COL17A1: variants seen among roughly 807,000 people sequenced by gnomAD.
The protein encoded by COL17A1 is collagen type XVII alpha 1 chain.
In COL17A1, 181 loss-of-function variants were observed where a neutral mutation model predicts 218.4. That is an observed-to-expected ratio of 0.83 (90% confidence interval 0.73 to 0.94). The LOEUF (loss-of-function observed/expected upper bound fraction) is 0.94, where lower values mean the gene tolerates loss of function less well. Ranked by LOEUF, COL17A1 falls within the 40% of genes least tolerant of loss-of-function variation. The pLI, the probability that COL17A1 is intolerant of heterozygous loss-of-function variation, is 0.00. For missense variants in COL17A1, 1,924 were observed against 1,945.9 expected, an observed-to-expected ratio of 0.99 and a Z score of 0.21; for synonymous variants, 721 against 731.0, an observed-to-expected ratio of 0.99 and a Z score of 0.22.
intron 22 of COL17A1, 138 bp from the exon 23 acceptor site, chr10:104,053,273 C>T (rs1386384588): frequency 1.1e-6 from 1 of 943,428 alleles, no homozygotes; most frequent in East Asian, 2.6e-5. Flanking sequence ...GACCCCATAG[C>T]CTTGGCTCAA....
chr10:104,063,559 C>G (rs2086600973), intron 11 of COL17A1, 188 bp downstream of exon 11: 6 of 895,548 alleles, frequency 6.7e-6, no homozygotes, highest in Non-Finnish European at 1.1e-5. Context: ...CTCACGTCCC[C>G]TCGCCTGAGA....
chr10:104,045,256 A>G (rs2086397403), intron 33 of COL17A1, among the ~76,000 whole-genome samples: 1 of 152,166 alleles, frequency 6.6e-6, no homozygotes, highest in Admixed American at 6.5e-5. Flanking sequence ...TCTCAGTAGC[A>G]TCTTAACACT....
chr10:104,057,195 GA>G, intron 16 of COL17A1, 23 bp from the exon 17 acceptor site: 1 of 1,613,920 alleles, frequency 6.2e-7, no homozygotes, highest in Non-Finnish European at 8.5e-7. Context: ...CAGGGAAAAT[GA>G]AGCAAATGCA....
rs756641825 is a variant in COL17A1, at chr10:104,062,297, A to T, written c.871T>A (p.Leu291Met). 6 of 1,614,230 alleles carry T rather than the reference A, an allele frequency of 3.7e-6. No homozygotes were observed. The highest frequency in any genetic ancestry group is 5.1e-6 in the Non-Finnish European group (6 of 1,180,044). The change falls in exon 12 of 56, where the codon TTG becomes ATG. Residue 291 changes from leucine to methionine, a missense_variant. Leu to Met is a conservative substitution (Grantham distance 15). Coordinates refer to ENST00000648076, the MANE Select transcript of COL17A1 (RefSeq NM_000494.4). ...FGMQNNLAPS[L>M]TTLSHGTTTT... ...GTGGTGCCATGGGACAGGGTGGTCA[A>T]GCTGGGGGCCAGATTGTTCTGCATG...
At chr10:104,039,366 G>T in intron 43 of COL17A1, 79 bp downstream of exon 43, 1 of 1,453,222 alleles carries the variant, frequency 6.9e-7, no homozygotes, top group Non-Finnish European at 9.7e-7. Context: ...AGTACTTGCT[G>T]CCATCTCTTC....
chr10:104,062,123 T>C (rs936116994), intron 12 of COL17A1, 135 bp downstream of exon 12: 3 of 1,311,860 alleles, frequency 2.3e-6, no homozygotes, highest in Non-Finnish European at 1.1e-6. Context: ...TCAAGATTGA[T>C]ATCTTGAGTG....
At chr10:104,075,285 C>T (rs1424967974) in intron 5 of COL17A1, among the ~76,000 whole-genome samples, 6 of 152,154 alleles carry the variant, frequency 3.9e-5, no homozygotes, top group Admixed American at 1.3e-4. Context: ...TTGCTACCCT[C>T]GCCAGAGAGC....
intron 33 of COL17A1, 33 bp downstream of exon 33, chr10:104,045,725 A>G: frequency 6.3e-7 from 1 of 1,589,130 alleles, no homozygotes; most frequent in Non-Finnish European, 8.6e-7. Context: ...TGGCCAGTGA[A>G]AAGAAAGAAA....
intron 1 of COL17A1, among the ~76,000 whole-genome samples, chr10:104,083,328 A>G (rs1260693890): frequency 6.6e-6 from 1 of 152,184 alleles, no homozygotes; most frequent in Non-Finnish European, 1.5e-5. Context: ...TCGTCTTCCA[A>G]AAGTCCTACT....
chr10:104,065,750 C>T (rs180917645), intron 9 of COL17A1, among the ~76,000 whole-genome samples: 1 of 152,186 alleles, frequency 6.6e-6, no homozygotes, highest in Non-Finnish European at 1.5e-5. Flanking sequence ...TAGGTACAGC[C>T]CACTTTTTTC....
chr10:104,033,942 T>TAGG lies in COL17A1; in HGVS notation c.4156+2_4156+3insCCT, dbSNP rs1295957061. On this transcript the variant is annotated splice_region_variant and intron_variant, in intron 52 of 55. Coordinates refer to ENST00000648076, the MANE Select transcript of COL17A1 (RefSeq NM_000494.4). ...GCACCAAGGCCTAAATGTCCCCACT[T>TAGG]ACGCTGCATGCTCTCTGACACCCTC... 1 of 1,614,058 alleles carries TAGG rather than the reference T, an allele frequency of 6.2e-7. No homozygotes were observed. The highest frequency in any genetic ancestry group is 8.5e-7 in the Non-Finnish European group (1 of 1,180,032).
intron 47 of COL17A1, 62 bp from the exon 48 acceptor site, chr10:104,036,694 CAG>C: frequency 6.3e-7 from 1 of 1,588,470 alleles, no homozygotes. Context: ...AGCCATGATC[CAG>C]CCACAGCCTG....
chr10:104,066,918 G>A (rs2086631076), intron 9 of COL17A1, among the ~76,000 whole-genome samples: 1 of 152,174 alleles, frequency 6.6e-6, no homozygotes, highest in Non-Finnish European at 1.5e-5. Flanking sequence ...AAGTACTAAG[G>A]TTAGGAATTT....
At chr10:104,064,993 C>G (rs961552314) in intron 9 of COL17A1, among the ~76,000 whole-genome samples, 1 of 152,176 alleles carries the variant, frequency 6.6e-6, no homozygotes, top group Non-Finnish European at 1.5e-5. Flanking sequence ...AATGAGACCC[C>G]GAAGAGAACC....
rs774782261 is a variant in COL17A1 at position 104,050,054 on chromosome 10, G to C, written c.2164+35C>G. The C allele has an allele frequency of 3.7e-6, 6 of 1,613,822 alleles. No individual in the cohort carries two copies. The Admixed American group carries it at 5.0e-5, about 13-fold the overall frequency. On this transcript the variant is annotated intron_variant, in intron 28 of 55. Coordinates refer to ENST00000648076, the MANE Select transcript of COL17A1 (RefSeq NM_000494.4). ...TGACTGATGGATTTACAAAAGTCGTGGATAGATTAAAGTAGATTCCCATGA... is the reference window on the plus strand; with the variant it reads ...TGACTGATGGATTTACAAAAGTCGTCGATAGATTAAAGTAGATTCCCATGA...
At chr10:104,050,994 A>G in intron 25 of COL17A1, 93 bp from the exon 26 acceptor site, 1 of 1,580,836 alleles carries the variant, frequency 6.3e-7, no homozygotes, top group South Asian at 1.1e-5. Flanking sequence ...ATACAGGCAC[A>G]CATATGCACA....
chr10:104,038,952 C>G (rs917244781), intron 44 of COL17A1, 119 bp downstream of exon 44: 7 of 1,180,268 alleles, frequency 5.9e-6, no homozygotes, highest in East Asian at 2.3e-5. Context: ...ATGGAGAAGA[C>G]AGCCAATCAA....
chr10:104,033,483 A>G, intron 52 of COL17A1, 108 bp from the exon 53 acceptor site: 3 of 1,337,608 alleles, frequency 2.2e-6, no homozygotes, highest in Non-Finnish European at 3.1e-6. Context: ...GTTGAACTAG[A>G]TCAAGCCGCA....
Position 104,055,935 on chromosome 10 carries a change from A to T in COL17A1, c.1534T>A (p.Tyr512Asn). ...TCTATTCTATCCATGCTGTCCCCAT[A>T]GGGCAGTATGCTCCTCCTGATCCTC... is the stretch of plus-strand genomic sequence containing the variant. Reference protein sequence around the residue: ...LERIRRSILPYGDSMDRIEKD... With the variant: ...LERIRRSILPNGDSMDRIEKD... The change falls in exon 18 of 56, where the codon TAT becomes AAT. Residue 512 changes from tyrosine to asparagine, a missense_variant. By Grantham distance (143) the Tyr-to-Asn change is moderately radical. Coordinates refer to ENST00000648076, the MANE Select transcript of COL17A1 (RefSeq NM_000494.4). 1.2e-6 allele frequency: 2 copies of T among 1,614,086 alleles called. No individual in the cohort carries two copies. The highest frequency in any genetic ancestry group is 8.5e-7 in the Non-Finnish European group (1 of 1,180,020).
Sources: gnomAD v4.1 joint callset for allele counts (sites outside exome capture counted in the v4.1 genomes callset) on GRCh38, gnomAD v4.1.1 for gene constraint, MANE v1.5 for transcripts, NCBI Gene and HGNC (gene_info 2026-07-23, HGNC 2026-07-21) for gene names.